UCMA: variants seen among roughly 807,000 people sequenced by gnomAD.
UCMA encodes the protein upper zone of growth plate and cartilage matrix-associated protein.
A neutral mutation model predicts 21.8 loss-of-function variants in UCMA; 21 were observed. The ratio of observed to expected loss-of-function variants is 0.97; its 90% CI spans 0.68 to 1.39. The LOEUF (loss-of-function observed/expected upper bound fraction) is 1.39, where lower values mean the gene tolerates loss of function less well. UCMA is among the 40% of genes most tolerant of loss of function. UCMA has a pLI of 0.00. For missense variants in UCMA, 193 were observed against 178.9 expected, an observed-to-expected ratio of 1.08 and a Z score of -0.45; for synonymous variants, 76 against 67.9, an observed-to-expected ratio of 1.12 and a Z score of -0.58.
Position 13,234,306 on chromosome 10 carries a change from C to T in UCMA, c.-48G>A, listed in dbSNP as rs759099277. 17 of 1,595,518 alleles carry T rather than the reference C, an allele frequency of 1.1e-5. No individual in the cohort carries two copies. Among genetic ancestry groups the T allele is most frequent in the South Asian group, 3.4e-5 (3 of 88,164 alleles). On this transcript the variant is annotated 5_prime_UTR_variant, in exon 1 of 5. Coordinates refer to ENST00000378681, the MANE Select transcript of UCMA (RefSeq NM_145314.3). ...TCCAGGACCCACAAGGCAGACCAGG[C>T]GTCCTGCACCCTTTGGGTCCCCACT...
At chr10:13,222,577 G>A (rs1834771753) in intron 4 of UCMA, among the ~76,000 whole-genome samples, 1 of 152,148 alleles carries the variant, frequency 6.6e-6, no homozygotes, top group African/African-American at 2.4e-5. Context: ...GGACATGCAA[G>A]AAAAATAAGG....
intron 3 of UCMA, among the ~76,000 whole-genome samples, chr10:13,231,106 C>T (rs1201254402): frequency 6.6e-6 from 1 of 151,940 alleles, no homozygotes; most frequent in Non-Finnish European, 1.5e-5. Flanking sequence ...AAGACGCTTA[C>T]CTTAATTAAT....
chr10:13,227,714 CAAAAAAAA>C (rs56236207), intron 4 of UCMA, among the ~76,000 whole-genome samples: 2 of 53,552 alleles, frequency 3.7e-5, no homozygotes, highest in Admixed American at 2.5e-4. Flanking sequence ...GAGACTGTCT[CAAAAAAAA>C]AAAAAAAAAA....
At chr10:13,227,741 A>AAAACACACACACACAC (rs1564402774) in intron 4 of UCMA, among the ~76,000 whole-genome samples, 2 of 27,500 alleles carry the variant, frequency 7.3e-5, no homozygotes, top group Non-Finnish European at 7.6e-5. Flanking sequence ...AAGGAAAGGA[A>AAAACACACACACACAC]ATACACACAC....
chr10:13,230,698 C>A (rs1444841297), intron 3 of UCMA, among the ~76,000 whole-genome samples: 2 of 152,170 alleles, frequency 1.3e-5, no homozygotes, highest in Non-Finnish European at 2.9e-5. Context: ...GGTTCCCTAC[C>A]CCCAACCCAC....
At chr10:13,224,370 A>G (rs1176046321) in intron 4 of UCMA, among the ~76,000 whole-genome samples, 1 of 151,240 alleles carries the variant, frequency 6.6e-6, no homozygotes, top group African/African-American at 2.4e-5. Flanking sequence ...AGGGAAAGAG[A>G]AAGTAAAGAA....
intron 4 of UCMA, among the ~76,000 whole-genome samples, chr10:13,225,022 T>A (rs1367995163): frequency 6.6e-6 from 1 of 152,030 alleles, no homozygotes; most frequent in African/African-American, 2.4e-5. Context: ...ACCCTGAGAG[T>A]GTGGTTTTGA....
At chr10:13,233,437 A>G (rs41291315) in intron 3 of UCMA, 101 bp downstream of exon 3, 219,174 of 936,236 alleles carry the variant, frequency 0.23, 27,524 homozygotes, top group South Asian at 0.38. Flanking sequence ...CTTCGTGCCC[A>G]GCTGCATCCT....
At chr10:13,228,168 A>C (rs939369626) in intron 4 of UCMA, among the ~76,000 whole-genome samples, 1 of 151,202 alleles carries the variant, frequency 6.6e-6, no homozygotes, top group Non-Finnish European at 1.5e-5. Flanking sequence ...CAAGCAATTC[A>C]CCTGCCTCAG....
intron 4 of UCMA, among the ~76,000 whole-genome samples, chr10:13,226,781 T>C (rs1834828410): frequency 6.6e-6 from 1 of 152,156 alleles, no homozygotes; most frequent in African/African-American, 2.4e-5. Context: ...GTTTTCTCCA[T>C]CTGTGTGGGT....
intron 4 of UCMA, among the ~76,000 whole-genome samples, chr10:13,223,581 T>C (rs1412368834): frequency 6.6e-6 from 1 of 152,150 alleles, no homozygotes; most frequent in Non-Finnish European, 1.5e-5. Context: ...TTGTTTTGAC[T>C]CTCGCTCTGT....
At chr10:13,232,399 G>T (rs992731857) in intron 3 of UCMA, among the ~76,000 whole-genome samples, 2 of 141,192 alleles carry the variant, frequency 1.4e-5, no homozygotes, top group Non-Finnish European at 3.0e-5. Context: ...AAAAAAAGAG[G>T]ACAGAAGCTA....
At chr10:13,228,142 C>A (rs1469204625) in intron 4 of UCMA, among the ~76,000 whole-genome samples, 1 of 151,988 alleles carries the variant, frequency 6.6e-6, no homozygotes, top group African/African-American at 2.4e-5. Flanking sequence ...TCACTGCAAG[C>A]TCCACCTCCA....
rs1472356988 is a variant in UCMA at position 13,221,836 on chromosome 10, A to T, written c.*267T>A. Reference sequence around the variant, plus strand: ...TCTTGACTGATTCTTTTGCTTGGGAACGAAGCCAGGGGAAGCCACTGTAGG... The same window carrying T: ...TCTTGACTGATTCTTTTGCTTGGGATCGAAGCCAGGGGAAGCCACTGTAGG... On this transcript the variant is annotated 3_prime_UTR_variant, in exon 5 of 5. Coordinates refer to ENST00000378681, the MANE Select transcript of UCMA (RefSeq NM_145314.3). 1 of 461,362 alleles carries T rather than the reference A, an allele frequency of 2.2e-6. No individual in the cohort carries two copies. Among genetic ancestry groups the T allele is most frequent in the Non-Finnish European group, 3.9e-6 (1 of 258,266 alleles). The allele number at this position is 461,362 out of a possible 1,614,324, so 28.6% of individuals were successfully genotyped here.
intron 4 of UCMA, among the ~76,000 whole-genome samples, chr10:13,228,399 G>T (rs530334599): frequency 1.3e-5 from 2 of 152,206 alleles, no homozygotes; most frequent in African/African-American, 4.8e-5. Flanking sequence ...TAGAGAAGAG[G>T]ATACAAATAG....
chr10:13,232,371 C>CAAAAAAAAA (rs34527224), intron 3 of UCMA, among the ~76,000 whole-genome samples: 1 of 69,586 alleles, frequency 1.4e-5, no homozygotes. Context: ...GACTCCATCT[C>CAAAAAAAAA]AAAAAAAAAA....
intron 4 of UCMA, among the ~76,000 whole-genome samples, chr10:13,227,610 T>C (rs1229495994): frequency 3.4e-5 from 5 of 146,786 alleles, no homozygotes; most frequent in Non-Finnish European, 5.9e-5. Flanking sequence ...CCCAGCTACT[T>C]GGGAGGCTGA....
chr10:13,227,568 A>T (rs1459685942), intron 4 of UCMA, among the ~76,000 whole-genome samples: 1 of 152,004 alleles, frequency 6.6e-6, no homozygotes, highest in Non-Finnish European at 1.5e-5. Flanking sequence ...AAATACAAAA[A>T]TTAGCTGGGC....
chr10:13,234,125 AGCAGCCTTACCTGT>A, intron 1 of UCMA, 62 bp downstream of exon 1: 1 of 1,412,102 alleles, frequency 7.1e-7, no homozygotes, highest in Non-Finnish European at 9.6e-7. Flanking sequence ...GCATCACCTG[AGCAGCCTTACCTGT>A]GCATGGTAAG....
Sources: gnomAD v4.1 joint callset for allele counts (sites outside exome capture counted in the v4.1 genomes callset) on GRCh38, gnomAD v4.1.1 for gene constraint, MANE v1.5 for transcripts, NCBI Gene and HGNC (gene_info 2026-07-23, HGNC 2026-07-21) for gene names.